The following TCERG1 variants were observed in gnomAD, a reference collection of about 807,000 sequenced individuals.
The protein encoded by TCERG1 is transcription elongation regulator 1.
A neutral mutation model predicts 144.7 loss-of-function variants in TCERG1; 37 were observed. That is an observed-to-expected ratio of 0.26 (90% confidence interval 0.20 to 0.34). The LOEUF is 0.34. TCERG1 is among the 10% of genes least tolerant of loss of function. TCERG1 has a pLI of 1.00. For missense variants in TCERG1, 1,027 were observed against 1,380.7 expected, an observed-to-expected ratio of 0.74 and a Z score of 4.06; for synonymous variants, 492 against 458.2, an observed-to-expected ratio of 1.07 and a Z score of -0.94.
chr5:146,492,862 GTAGT>G, intron 15 of TCERG1, 54 bp from the exon 16 acceptor site: 1 of 1,183,314 alleles, frequency 8.5e-7, no homozygotes, highest in Non-Finnish European at 1.2e-6. Flanking sequence ...CAATAATTTG[GTAGT>G]TAAATTACCT....
chr5:146,497,165 CTA>C (rs1767001176), intron 16 of TCERG1, among the ~76,000 whole-genome samples: 1 of 151,750 alleles, frequency 6.6e-6, no homozygotes, highest in Non-Finnish European at 1.5e-5. Context: ...AGCCACCACA[CTA>C]TGTTTTTTTG....
rs373382068 is a variant in TCERG1 at position 146,481,300 on chromosome 5, A to G, written c.1937+100A>G. 1.7e-5 allele frequency: 9 copies of G among 524,496 alleles called. 1 individual carries two copies. In the East Asian group the frequency reaches 7.4e-4, roughly 43 times the overall value. The allele number at this position is 524,496 out of a possible 1,614,324, so 32.5% of individuals were successfully genotyped here. On this transcript the variant is annotated intron_variant, in intron 13 of 22. Coordinates refer to ENST00000679501, the MANE Select transcript of TCERG1 (RefSeq NM_001382548.1). ...TTGTATTGTGACATTTTCATTTAGT[A>G]TAGTTCTATAAAGGTTATTTGTTTT...
At chr5:146,478,389 T>C in intron 9 of TCERG1, 104 bp from the exon 10 acceptor site, 2 of 1,206,306 alleles carry the variant, frequency 1.7e-6, no homozygotes, top group Non-Finnish European at 2.2e-6. Flanking sequence ...GAACATGTCG[T>C]TCTTCAGTAC....
chr5:146,479,951 C>T (rs1765190332), intron 11 of TCERG1, 40 bp downstream of exon 11: 5 of 1,607,888 alleles, frequency 3.1e-6, no homozygotes, highest in Non-Finnish European at 4.3e-6. Flanking sequence ...CTTTTTAATA[C>T]TATTAAAGCA....
intron 17 of TCERG1, chr5:146,499,737 T>G (rs1767260047): frequency 6.6e-6 from 1 of 152,248 alleles, no homozygotes; most frequent in Non-Finnish European, 1.5e-5. Flanking sequence ...TTATAGAAAT[T>G]AAATGTATTT....
At chr5:146,475,576 A>G (rs1764766367) in intron 9 of TCERG1, among the ~76,000 whole-genome samples, 1 of 150,592 alleles carries the variant, frequency 6.6e-6, no homozygotes, top group Non-Finnish European at 1.5e-5. Context: ...AGATTGATTA[A>G]ATCATTAACC....
intron 9 of TCERG1, among the ~76,000 whole-genome samples, chr5:146,475,937 A>T (rs1764803909): frequency 6.6e-6 from 1 of 152,148 alleles, no homozygotes; most frequent in Non-Finnish European, 1.5e-5. Context: ...AATCTATTGC[A>T]GTTTTTATCC....
chr5:146,496,520 T>G (rs1766918577), intron 16 of TCERG1, among the ~76,000 whole-genome samples: 2 of 152,198 alleles, frequency 1.3e-5, no homozygotes, highest in African/African-American at 4.8e-5. Context: ...CTCATGTTAA[T>G]CCTATCCAGT....
chr5:146,448,229 A>T (rs1026052472), intron 1 of TCERG1, among the ~76,000 whole-genome samples: 5 of 152,216 alleles, frequency 3.3e-5, no homozygotes, highest in African/African-American at 1.2e-4. Context: ...GGCTCCAGGA[A>T]GTGGCTTGAA....
chr5:146,480,131 A>G lies in TCERG1; in HGVS notation c.1886+37A>G, dbSNP rs766593590. 15 of 1,487,578 alleles carry G rather than the reference A, an allele frequency of 1.0e-5. No homozygotes were observed. The East Asian group carries it at 1.4e-4, about 14-fold the overall frequency. 92.1% of individuals were successfully genotyped at this position (1,487,578 alleles called of 1,614,324 possible). A position where few individuals can be genotyped will look rare whatever the true frequency, so the allele number is the denominator to read the frequency against. On this transcript the variant is annotated intron_variant, in intron 12 of 22. Transcript: ENST00000679501. Reference sequence around the variant, plus strand: ...ATACGATTTGATTGAGGTAGATTATATCTTTTAAAAGTCGATTTGGTAATA... The same window carrying G: ...ATACGATTTGATTGAGGTAGATTATGTCTTTTAAAAGTCGATTTGGTAATA...
Position 146,458,878 on chromosome 5 carries a change from C to A in TCERG1, c.439-6C>A. The A allele has an allele frequency of 6.3e-7, 1 of 1,588,190 alleles. No individual in the cohort carries two copies. The highest frequency in any genetic ancestry group is 8.6e-7 in the Non-Finnish European group (1 of 1,165,918). ...ATGATACCATTGATTTTTGCTTCCG[C>A]TGCAGGTTTATTATTATAATGCTCG... is the stretch of plus-strand genomic sequence containing the variant. On this transcript the variant is annotated splice_region_variant and splice_polypyrimidine_tract_variant and intron_variant, in intron 3 of 22. Coordinates refer to ENST00000679501, the MANE Select transcript of TCERG1 (RefSeq NM_001382548.1).
rs539721607 is a variant in TCERG1 at position 146,511,046 on chromosome 5, A to AT, written c.*416dup. The AT allele has an allele frequency of 1.2e-3, 176 of 148,998 alleles. 1 individual carries two copies. Among genetic ancestry groups the AT allele is most frequent in the Middle Eastern group, 3.4e-3 (1 of 290 alleles). 9.2% of individuals were successfully genotyped at this position (148,998 alleles called of 1,614,324 possible). On this transcript the variant is annotated 3_prime_UTR_variant, in exon 23 of 23. Transcript: ENST00000679501. ...CCGAGTTGGGGTTTGTTTTGTTTTGATTTTTTTTTTTTAAAGCGGGTAAAA... is the reference window on the plus strand; with the variant it reads ...CCGAGTTGGGGTTTGTTTTGTTTTGATTTTTTTTTTTTTAAAGCGGGTAAAA...
At chr5:146,494,016 T>C (rs545227807) in intron 16 of TCERG1, among the ~76,000 whole-genome samples, 3 of 152,230 alleles carry the variant, frequency 2.0e-5, no homozygotes, top group African/African-American at 7.2e-5. Flanking sequence ...ATTTGAAATA[T>C]GGTATTAAAA....
intron 16 of TCERG1, among the ~76,000 whole-genome samples, chr5:146,494,819 A>G (rs1410711606): frequency 6.6e-6 from 1 of 152,146 alleles, no homozygotes; most frequent in African/African-American, 2.4e-5. Context: ...TTTTCTTTTT[A>G]ATGAAAATTT....
chr5:146,459,223 A>G lies in TCERG1; in HGVS notation c.778A>G (p.Thr260Ala), dbSNP rs778505919. ...QVQAQAVGASTPTTSSPAPAV... is the reference protein window; with the variant it reads ...QVQAQAVGASAPTTSSPAPAV... The stretch of plus-strand genomic sequence containing the variant: ...GCAAGCACAAGCAGTTGGAGCTTCC[A>G]CCCCTACGACCAGTAGCCCAGCACC... The change falls in exon 4 of 23, where the codon ACC becomes GCC. Residue 260 changes from threonine (T) to alanine (A), a missense_variant. Coordinates refer to ENST00000679501, the MANE Select transcript of TCERG1 (RefSeq NM_001382548.1). 1.2e-6 allele frequency: 2 copies of G among 1,614,244 alleles called. No homozygotes were observed. Among genetic ancestry groups the G allele is most frequent in the East Asian group, 2.2e-5 (1 of 44,882 alleles).
At chr5:146,477,993 G>A (rs929535959) in intron 9 of TCERG1, among the ~76,000 whole-genome samples, 6 of 152,076 alleles carry the variant, frequency 3.9e-5, no homozygotes, top group East Asian at 1.9e-4. Context: ...CTGAGCCACC[G>A]TGCTGGGCCT....
At chr5:146,473,278 A>G (rs1309230118) in intron 9 of TCERG1, among the ~76,000 whole-genome samples, 1 of 152,220 alleles carries the variant, frequency 6.6e-6, no homozygotes, top group Non-Finnish European at 1.5e-5. Context: ...TCCACAAGAG[A>G]TGCCCTACCT....
At chr5:146,477,557 A>G (rs78295911) in intron 9 of TCERG1, among the ~76,000 whole-genome samples, 1,964 of 151,394 alleles carry the variant, frequency 0.013, 42 homozygotes, top group African/African-American at 0.045. Context: ...CATTAAGACT[A>G]TACTATACAG....
chr5:146,482,611 A>G lies in TCERG1; in HGVS notation c.1957A>G (p.Ile653Val), dbSNP rs1765460588. ...SLFRRDDNKD[I>V]DSEKEAAMEA... is the part of the protein sequence containing the mutation. Reference sequence around the variant, plus strand: ...TTATAGGAGAGACGATAATAAAGACATTGACTCAGAGAAAGAAGCTGCCAT... The same window carrying G: ...TTATAGGAGAGACGATAATAAAGACGTTGACTCAGAGAAAGAAGCTGCCAT... The change falls in exon 14 of 23, where the codon ATT (isoleucine) becomes GTT (valine). Residue 653 changes from isoleucine to valine, a missense_variant. This residue lies in a region of TCERG1 where 482 missense variants were observed against 632.6 expected (regional missense o/e 0.76). Coordinates refer to ENST00000679501, the MANE Select transcript of TCERG1 (RefSeq NM_001382548.1). 6.2e-7 allele frequency: 1 copy of G among 1,612,790 alleles called. No individual in the cohort carries two copies. Among genetic ancestry groups the G allele is most frequent in the African/African-American group, 1.3e-5 (1 of 74,950 alleles).
Sources: allele counts gnomAD v4.1 joint callset (sites outside exome capture counted in the v4.1 genomes callset), GRCh38; gene constraint gnomAD v4.1.1; regional missense constraint gnomAD v4.1.1; transcripts MANE v1.5; gene names NCBI Gene and HGNC (gene_info 2026-07-23, HGNC 2026-07-21).